MCTP1: variants seen among roughly 807,000 people sequenced by gnomAD.
The protein encoded by MCTP1 is multiple C2 and transmembrane domain-containing protein 1.
A neutral mutation model predicts 120.6 loss-of-function variants in MCTP1; 69 were observed. That is an observed-to-expected ratio of 0.57 (90% confidence interval 0.47 to 0.70). The LOEUF is 0.70. Among genes scored for constraint, MCTP1 ranks in the 30% least tolerant of loss-of-function variants. The pLI, the probability that MCTP1 is intolerant of heterozygous loss-of-function variation, is 0.00. For synonymous variants in MCTP1, 529 were observed against 493.1 expected (o/e 1.07, Z -0.96); for missense variants, 1,203 against 1,248.8 (o/e 0.96, Z 0.55).
chr5:95,136,884 C>T (rs992171741), intron 1 of MCTP1, among the ~76,000 whole-genome samples: 1 of 152,186 alleles, frequency 6.6e-6, no homozygotes, highest in African/African-American at 2.4e-5. Context: ...AGAGTAACTT[C>T]AGACTCTTGC....
At chr5:94,791,112 CA>C (rs60394333) in intron 18 of MCTP1, among the ~76,000 whole-genome samples, 25,916 of 99,330 alleles carry the variant, frequency 0.26, 2,260 homozygotes, top group Middle Eastern at 0.34. Context: ...GTCTCTACTA[CA>C]AAAAAAAAAA....
chr5:95,098,978 ACTAT>A (rs1220991007), intron 1 of MCTP1, among the ~76,000 whole-genome samples: 1 of 152,162 alleles, frequency 6.6e-6, no homozygotes, highest in African/African-American at 2.4e-5. Flanking sequence ...CATATCTGCA[ACTAT>A]CTGATCTTTG....
chr5:95,176,009 CA>C (rs1365577755), intron 1 of MCTP1, among the ~76,000 whole-genome samples: 1 of 152,146 alleles, frequency 6.6e-6, no homozygotes, highest in Non-Finnish European at 1.5e-5. Flanking sequence ...GCTCTAACAC[CA>C]AAACCTCATG....
intron 1 of MCTP1, among the ~76,000 whole-genome samples, chr5:95,197,623 C>A (rs1048177087): frequency 2.0e-5 from 3 of 152,116 alleles, no homozygotes; most frequent in Non-Finnish European, 2.9e-5. Flanking sequence ...CTGTGTAGAA[C>A]ATCACACACT....
chr5:95,040,308 C>T (rs1334045370), intron 1 of MCTP1, among the ~76,000 whole-genome samples: 1 of 152,002 alleles, frequency 6.6e-6, no homozygotes, highest in African/African-American at 2.4e-5. Context: ...CATGGTGGTT[C>T]ACACTTGTAA....
At chr5:94,958,845 G>A (rs1193215819) in intron 2 of MCTP1, among the ~76,000 whole-genome samples, 1 of 152,174 alleles carries the variant, frequency 6.6e-6, no homozygotes, top group Non-Finnish European at 1.5e-5. Flanking sequence ...GAGGTACAAA[G>A]AGGAGCTGGT....
intron 1 of MCTP1, among the ~76,000 whole-genome samples, chr5:95,027,382 T>G (rs1839453330): frequency 6.6e-6 from 1 of 152,320 alleles, no homozygotes; most frequent in Middle Eastern, 3.4e-3. Context: ...TGCCAGGTTG[T>G]TATTTAGCAG....
At chr5:94,987,735 T>C (rs2153609097) in intron 2 of MCTP1, among the ~76,000 whole-genome samples, 1 of 152,286 alleles carries the variant, frequency 6.6e-6, no homozygotes, top group Non-Finnish European at 1.5e-5. Flanking sequence ...TAGAAAATAA[T>C]ATCTTCACTT....
intron 1 of MCTP1, among the ~76,000 whole-genome samples, chr5:95,164,954 G>A (rs1746153209): frequency 6.6e-6 from 1 of 152,082 alleles, no homozygotes; most frequent in South Asian, 2.1e-4. Flanking sequence ...GCTTTGGGAG[G>A]AGTCCTCTGC....
At chr5:95,252,007 GAAT>G (rs2152700637) in intron 1 of MCTP1, among the ~76,000 whole-genome samples, 1 of 152,170 alleles carries the variant, frequency 6.6e-6, no homozygotes, top group East Asian at 1.9e-4. Context: ...CATCAAAGCA[GAAT>G]ATCATACATC....
At chr5:95,208,269 T>C (rs10064670) in intron 1 of MCTP1, among the ~76,000 whole-genome samples, 26,343 of 152,000 alleles carry the variant, frequency 0.17, 2,563 homozygotes, top group Non-Finnish European at 0.22. Flanking sequence ...TTTTCTATTT[T>C]TAGTAGAGGC....
Position 94,956,314 on chromosome 5 carries a change from C to G in MCTP1, c.839-2953G>C, listed in dbSNP as rs529742163. 1.4e-4 allele frequency among the ~76,000 whole-genome samples: 19 copies of G among 133,094 alleles called. No homozygotes were observed. In the South Asian group the frequency reaches 4.5e-3, roughly 31 times the overall value. The allele number at this position is 133,094 out of a possible 152,430, so 87.3% of individuals were successfully genotyped here. ...GAATCCACAAAGATGAGGAAAAAAA[C>G]AGCGCAAAAAGGCTGAAAATTCCAA... is the stretch of plus-strand genomic sequence containing the variant. On this transcript the variant is annotated intron_variant, in intron 2 of 22. Coordinates refer to ENST00000515393, the MANE Select transcript of MCTP1 (RefSeq NM_024717.7).
rs566257620 is a variant in MCTP1, at chr5:94,741,310, C to A, written c.2611-26424G>T. On this transcript the variant is annotated intron_variant, in intron 19 of 22. Coordinates refer to ENST00000515393, the MANE Select transcript of MCTP1 (RefSeq NM_024717.7). The stretch of plus-strand genomic sequence containing the variant: ...TTAAAAAAAGGAAATGATGATTGCT[C>A]ACAATAAGAAGTATAAAAATGGAAC... Among the ~76,000 whole-genome samples, 11 of 152,260 alleles carry A rather than the reference C, an allele frequency of 7.2e-5. No homozygotes were observed. In the East Asian group the frequency reaches 2.1e-3, roughly 29 times the overall value.
intron 2 of MCTP1, among the ~76,000 whole-genome samples, chr5:95,014,038 A>C (rs973353060): frequency 6.6e-6 from 1 of 151,958 alleles, no homozygotes; most frequent in Admixed American, 6.6e-5. Context: ...AAGGGGGAAG[A>C]TCACTTGAAA....
intron 1 of MCTP1, among the ~76,000 whole-genome samples, chr5:95,183,797 A>G (rs10064312): frequency 0.17 from 25,756 of 152,174 alleles, 2,204 homozygotes; most frequent in Middle Eastern, 0.2. Context: ...CTTCAGATCT[A>G]TTGGAATGGC....
chr5:94,995,114 T>C (rs1463866597), intron 2 of MCTP1, among the ~76,000 whole-genome samples: 3 of 152,210 alleles, frequency 2.0e-5, no homozygotes, highest in Non-Finnish European at 2.9e-5. Flanking sequence ...AAACTCCCCT[T>C]CATATATACA....
chr5:95,266,809 C>G (rs1043244579), intron 1 of MCTP1, among the ~76,000 whole-genome samples: 4 of 152,166 alleles, frequency 2.6e-5, no homozygotes, highest in Non-Finnish European at 5.9e-5. Context: ...AATTTCTGAT[C>G]ACTCATATTT....
At chr5:94,865,867 A>C (rs1796704965) in intron 17 of MCTP1, among the ~76,000 whole-genome samples, 1 of 151,864 alleles carries the variant, frequency 6.6e-6, no homozygotes, top group African/African-American at 2.4e-5. Context: ...CTACTTCATA[A>C]GGTTGTTGGG....
intron 5 of MCTP1, among the ~76,000 whole-genome samples, chr5:94,937,305 T>C (rs1816428585): frequency 6.6e-6 from 1 of 152,030 alleles, no homozygotes; most frequent in South Asian, 2.1e-4. Flanking sequence ...AAAATACCTT[T>C]GGAAGGATTT....
Sources: gnomAD v4.1 joint callset for allele counts (sites outside exome capture counted in the v4.1 genomes callset) on GRCh38, gnomAD v4.1.1 for gene constraint, MANE v1.5 for transcripts, NCBI Gene and HGNC (gene_info 2026-07-23, HGNC 2026-07-21) for gene names.